Variants in MRPS27 observed in about 807,000 individuals in gnomAD.
MRPS27 encodes the protein mitochondrial ribosomal protein S27.
A neutral mutation model predicts 48.9 loss-of-function variants in MRPS27; 43 were observed. That is an observed-to-expected ratio of 0.88 (90% CI 0.69 to 1.13). MRPS27 has a LOEUF of 1.13. Among genes scored for constraint, MRPS27 ranks in the 50% most tolerant of loss-of-function variants. The pLI is 0.00. For missense variants in MRPS27, 467 were observed against 476.3 expected, an observed-to-expected ratio of 0.98 and a Z score of 0.18; for synonymous variants, 188 against 171.9, an observed-to-expected ratio of 1.09 and a Z score of -0.73.
intron 7 of MRPS27, among the ~76,000 whole-genome samples, chr5:72,229,867 A>G (rs900536540): frequency 3.9e-5 from 6 of 152,100 alleles, no homozygotes; most frequent in African/African-American, 1.4e-4. Flanking sequence ...ATATCTTCCA[A>G]GCCTTTAGTT....
chr5:72,255,986 T>C (rs990064219), intron 4 of MRPS27, among the ~76,000 whole-genome samples: 2 of 152,320 alleles, frequency 1.3e-5, no homozygotes, highest in Admixed American at 1.3e-4. Flanking sequence ...TCTAGAAAAC[T>C]CTGTTATTTC....
At chr5:72,223,268 A>G (rs1309459401) in intron 10 of MRPS27, among the ~76,000 whole-genome samples, 1 of 152,224 alleles carries the variant, frequency 6.6e-6, no homozygotes, top group Non-Finnish European at 1.5e-5. Context: ...TTATCTCTAC[A>G]CACTCAAATG....
At chr5:72,239,202 T>C (rs866465468) in intron 4 of MRPS27, among the ~76,000 whole-genome samples, 6 of 152,174 alleles carry the variant, frequency 3.9e-5, no homozygotes, top group Non-Finnish European at 8.8e-5. Flanking sequence ...TACAGATGAA[T>C]ACTAGTGGCT....
chr5:72,265,925 C>T (rs1329154809), intron 4 of MRPS27, among the ~76,000 whole-genome samples: 2 of 152,134 alleles, frequency 1.3e-5, no homozygotes, highest in Non-Finnish European at 2.9e-5. Context: ...GATTAGTTCA[C>T]TAAAATGAAA....
intron 4 of MRPS27, among the ~76,000 whole-genome samples, chr5:72,248,853 T>C (rs745767738): frequency 1.1e-4 from 16 of 152,304 alleles, no homozygotes; most frequent in South Asian, 6.2e-4. Flanking sequence ...GCTCGGCCCA[T>C]TGATCATGTG....
chr5:72,254,138 T>G (rs548044270), intron 4 of MRPS27, among the ~76,000 whole-genome samples: 103 of 152,292 alleles, frequency 6.8e-4, no homozygotes, highest in African/African-American at 2.4e-3. Flanking sequence ...GCTCTGATGA[T>G]TTTTCAAAAA....
At chr5:72,312,670 G>A (rs1242509417) in intron 2 of MRPS27, among the ~76,000 whole-genome samples, 1 of 149,930 alleles carries the variant, frequency 6.7e-6, no homozygotes, top group African/African-American at 2.5e-5. Flanking sequence ...GCCCAGGCTA[G>A]AGTGTAGTGG....
At chr5:72,304,091 A>ATG (rs1330039462) in intron 2 of MRPS27, among the ~76,000 whole-genome samples, 1 of 151,844 alleles carries the variant, frequency 6.6e-6, no homozygotes, top group South Asian at 2.1e-4. Context: ...ATATGGTTAG[A>ATG]TGTGTGTGTG....
intron 4 of MRPS27, among the ~76,000 whole-genome samples, chr5:72,248,875 C>G (rs929233433): frequency 1.9e-4 from 29 of 152,254 alleles, no homozygotes; most frequent in African/African-American, 7.0e-4. Flanking sequence ...CAGATCATGG[C>G]TGCACTTTGT....
At chr5:72,276,761 G>C (rs1180109154) in intron 4 of MRPS27, among the ~76,000 whole-genome samples, 2 of 151,968 alleles carry the variant, frequency 1.3e-5, no homozygotes, top group African/African-American at 4.8e-5. Flanking sequence ...GCCAGGCGTG[G>C]TGGCTCATGC....
rs16876965 is a variant in MRPS27 at position 72,266,290 on chromosome 5, T to C, written c.282-28162A>G. ...TGACTTTTAAGACCCAGACTTTCCTTAGCTGAACCATCCGTAACGTGGTGA... is the reference window on the plus strand; with the variant it reads ...TGACTTTTAAGACCCAGACTTTCCTCAGCTGAACCATCCGTAACGTGGTGA... On this transcript the variant is annotated intron_variant, in intron 4 of 10. Coordinates refer to ENST00000261413, the MANE Select transcript of MRPS27 (RefSeq NM_015084.3). 8.7e-3 allele frequency among the ~76,000 whole-genome samples: 1,326 copies of C among 152,308 alleles called. 28 individuals are homozygous for C. Among genetic ancestry groups the C allele is most frequent in the African/African-American group, 0.029 (1,206 of 41,558 alleles).
intron 4 of MRPS27, among the ~76,000 whole-genome samples, chr5:72,283,702 C>A (rs954671351): frequency 1.3e-5 from 2 of 152,028 alleles, no homozygotes; most frequent in South Asian, 2.1e-4. Flanking sequence ...AGATATGATC[C>A]AGCAAGCTTA....
In MRPS27 at chr5:72,320,136, C is replaced by A; in HGVS notation, c.73+13G>T. On this transcript the variant is annotated intron_variant, in intron 1 of 10. Transcript: ENST00000261413. Reference sequence around the variant, plus strand: ...CAGAATAATCAGGGGCCTAATGAAGCTGTCCGGCCAACCTGCAGGAGAGAG... The same window carrying A: ...CAGAATAATCAGGGGCCTAATGAAGATGTCCGGCCAACCTGCAGGAGAGAG... 6.2e-7 allele frequency: 1 copy of A among 1,612,892 alleles called. No homozygotes were observed. Among genetic ancestry groups the A allele is most frequent in the South Asian group, 1.1e-5 (1 of 91,066 alleles).
intron 4 of MRPS27, among the ~76,000 whole-genome samples, chr5:72,262,311 A>C (rs761941990): frequency 2.6e-5 from 4 of 152,108 alleles, no homozygotes; most frequent in Non-Finnish European, 4.4e-5. Flanking sequence ...CAGTCAACGA[A>C]AGGTGCTGCT....
intron 1 of MRPS27, among the ~76,000 whole-genome samples, chr5:72,318,526 G>A (rs971244377): frequency 6.6e-6 from 1 of 152,234 alleles, no homozygotes; most frequent in African/African-American, 2.4e-5. Context: ...TGGGCACAGT[G>A]GCTCACGCCC....
chr5:72,234,317 A>G, intron 5 of MRPS27, 120 bp from the exon 6 acceptor site: 1 of 861,774 alleles, frequency 1.2e-6, no homozygotes, highest in East Asian at 3.9e-5. Flanking sequence ...ATATTTGACT[A>G]TCATTTTACA....
chr5:72,253,317 G>A (rs969124527), intron 4 of MRPS27, among the ~76,000 whole-genome samples: 1 of 152,156 alleles, frequency 6.6e-6, no homozygotes, highest in African/African-American at 2.4e-5. Flanking sequence ...ATAGAGATAA[G>A]CACATATGAT....
chr5:72,234,931 T>C (rs1337012234), intron 5 of MRPS27, among the ~76,000 whole-genome samples: 3 of 152,120 alleles, frequency 2.0e-5, no homozygotes, highest in Non-Finnish European at 2.9e-5. Context: ...TGTTTCAAAT[T>C]CTTCAGTAAT....
intron 9 of MRPS27, among the ~76,000 whole-genome samples, chr5:72,224,288 G>A (rs1259603357): frequency 6.6e-6 from 1 of 152,128 alleles, no homozygotes; most frequent in African/African-American, 2.4e-5. Flanking sequence ...GAGCCTGGGA[G>A]GTGGAGGCTA....
Sources: allele counts gnomAD v4.1 joint callset (sites outside exome capture counted in the v4.1 genomes callset), GRCh38; gene constraint gnomAD v4.1.1; transcripts MANE v1.5; gene names NCBI Gene and HGNC (gene_info 2026-07-23, HGNC 2026-07-21).